Variants in PPP2R5C observed in about 807,000 individuals in gnomAD.
The protein encoded by PPP2R5C is protein phosphatase 2 regulatory subunit B'gamma, also known as serine/threonine-protein phosphatase 2A 56 kDa regulatory subunit gamma isoform.
In PPP2R5C, 7 loss-of-function variants were observed where a neutral mutation model predicts 68.9. That is an observed-to-expected ratio of 0.10 (90% CI 0.06 to 0.19). The LOEUF is 0.19. PPP2R5C is among the 10% of genes least tolerant of loss of function. PPP2R5C has a pLI of 1.00. For missense variants in PPP2R5C, 348 were observed against 641.3 expected, an observed-to-expected ratio of 0.54 and a Z score of 4.94; for synonymous variants, 210 against 222.2, an observed-to-expected ratio of 0.95 and a Z score of 0.49.
At position 101,826,969 on chromosome 14, in the gene PPP2R5C, CTT is replaced by C. The variant is rs1030539072; in HGVS notation, c.94+16956_94+16957del. ...TATACTTAAGTGTAAAAATGTTTAA[CTT>C]TTTTTTTTTTTTTTTTTTTTTTGAG... is the stretch of plus-strand genomic sequence containing the variant. On this transcript the variant is annotated intron_variant, in intron 1 of 13. Transcript: ENST00000334743. Among the ~76,000 whole-genome samples the C allele has an allele frequency of 4.0e-3, 380 of 95,812 alleles. 1 individual carries two copies. Among genetic ancestry groups the C allele is most frequent in the African/African-American group, 0.014 (327 of 23,508 alleles). The allele number at this position is 95,812 out of a possible 152,430, so 62.9% of individuals were successfully genotyped here. A position where few individuals can be genotyped will look rare whatever the true frequency, so the allele number is the denominator to read the frequency against.
intron 3 of PPP2R5C, among the ~76,000 whole-genome samples, chr14:101,795,958 G>C (rs188460949): frequency 1.3e-5 from 2 of 152,190 alleles, no homozygotes; most frequent in Admixed American, 1.3e-4. Flanking sequence ...AAGTAGCTGG[G>C]ACCACAGGTG....
rs1056724995 is a variant in PPP2R5C, at chr14:101,835,257, T to C, written c.95-21429T>C. Reference sequence around the variant, plus strand: ...CCTGTGGCTGGGGGAGCAGGATGAATTGGGATAAGGGAAGCCCAGGGCAGG... The same window carrying C: ...CCTGTGGCTGGGGGAGCAGGATGAACTGGGATAAGGGAAGCCCAGGGCAGG... On this transcript the variant is annotated intron_variant, in intron 1 of 13. Coordinates refer to ENST00000334743, the Ensembl canonical transcript of PPP2R5C. The surrounding 1 kb of genome is among the most constrained non-coding windows in gnomAD (Gnocchi z 5.0). Among the ~76,000 whole-genome samples the C allele has an allele frequency of 2.6e-5, 4 of 152,018 alleles. No homozygotes were observed. Among genetic ancestry groups the C allele is most frequent in the Non-Finnish European group, 4.4e-5 (3 of 67,994 alleles).
intron 9 of PPP2R5C, among the ~76,000 whole-genome samples, chr14:101,903,577 G>A (rs565024852): frequency 1.2e-4 from 19 of 152,242 alleles, no homozygotes; most frequent in African/African-American, 3.6e-4. Flanking sequence ...GCACGCTTGC[G>A]CCCATCTTGG....
At chr14:101,927,514 C>G (rs1387280663) in exon 14 of PPP2R5C, 1 of 152,576 alleles carries the variant, frequency 6.6e-6, no homozygotes, top group African/African-American at 2.4e-5. Flanking sequence ...GACTGTTTTT[C>G]TTCATAAAGT....
intron 1 of PPP2R5C, among the ~76,000 whole-genome samples, chr14:101,853,265 A>G (rs538056799): frequency 1.3e-5 from 2 of 152,198 alleles, no homozygotes; most frequent in Non-Finnish European, 2.9e-5. Flanking sequence ...TTCTTTTAAA[A>G]AAAAAATAGT....
intron 2 of PPP2R5C, among the ~76,000 whole-genome samples, chr14:101,771,385 G>C (rs747374646): frequency 6.6e-5 from 10 of 151,808 alleles, no homozygotes; most frequent in Non-Finnish European, 1.5e-4. Flanking sequence ...CTCCCAAGTA[G>C]CTGGGATTAC....
rs1263843500 is a variant in PPP2R5C, at chr14:101,916,607, G to A, written c.1327-1224G>A. On this transcript the variant is annotated intron_variant, in intron 12 of 13. Transcript: ENST00000334743. This position sits in a 1 kb window ranked among gnomAD's most constrained non-coding sequence, Gnocchi z 5.5. Reference sequence around the variant, plus strand: ...CTTAGCAGCCAGAGGGCACCCATAGGCCTCATGCCAGAGGTGGCTCCGTCA... The same window carrying A: ...CTTAGCAGCCAGAGGGCACCCATAGACCTCATGCCAGAGGTGGCTCCGTCA... Among the ~76,000 whole-genome samples, 1 of 151,656 alleles carries A rather than the reference G, an allele frequency of 6.6e-6. No individual in the cohort carries two copies. The highest frequency in any genetic ancestry group is 1.5e-5 in the Non-Finnish European group (1 of 67,946).
In PPP2R5C at chr14:101,787,629, T is replaced by C. The variant is rs1158081221; in HGVS notation, c.259+1446T>C. ...ATACAAAAACAAAATTAGCCAGGCGTGGTGGCGGGCGCCTGTAGTCCCAGC... is the reference window on the plus strand; with the variant it reads ...ATACAAAAACAAAATTAGCCAGGCGCGGTGGCGGGCGCCTGTAGTCCCAGC... On this transcript the variant is annotated intron_variant, in intron 3 of 14. Coordinates refer to the PPP2R5C transcript ENST00000328724. Among the ~76,000 whole-genome samples, 3 of 151,820 alleles carry C rather than the reference T, an allele frequency of 2.0e-5. No homozygotes were observed. The East Asian group carries it at 5.8e-4, about 29-fold the overall frequency.
intron 1 of PPP2R5C, chr14:101,819,010 C>T: frequency 1.3e-6 from 2 of 1,550,968 alleles, no homozygotes. Flanking sequence ...TCCTGAAGAA[C>T]CCTCAAGCCC....
upstream of PPP2R5C, chr14:101,761,707 C>G (rs1173069102): frequency 9.0e-6 from 5 of 556,256 alleles, no homozygotes; most frequent in Non-Finnish European, 1.1e-5. Flanking sequence ...GCCGCCGCCG[C>G]CGCCGCCGTG....
intron 8 of PPP2R5C, among the ~76,000 whole-genome samples, chr14:101,896,819 T>C (rs1215381358): frequency 1.3e-5 from 2 of 152,178 alleles, no homozygotes; most frequent in Non-Finnish European, 1.5e-5. Flanking sequence ...AAAGTAGATC[T>C]TGTCACTCCT....
chr14:101,771,057 CT>C (rs2037119447), intron 2 of PPP2R5C, among the ~76,000 whole-genome samples: 1 of 152,226 alleles, frequency 6.6e-6, no homozygotes. Context: ...TAAGCAGAGA[CT>C]CTCCAGTGCT....
chr14:101,848,633 G>A (rs1253064806), intron 1 of PPP2R5C, among the ~76,000 whole-genome samples: 2 of 152,144 alleles, frequency 1.3e-5, no homozygotes, highest in African/African-American at 2.4e-5. Flanking sequence ...TTTAGAGGTC[G>A]TCGGTGTTGA....
chr14:101,831,810 C>A (rs1183469994), intron 1 of PPP2R5C: 1 of 700,084 alleles, frequency 1.4e-6, no homozygotes, highest in East Asian at 2.7e-5. Flanking sequence ...TTTGGGTAAG[C>A]GTGGTGGTCC....
At chr14:101,889,682 G>A (rs1471983824) in intron 5 of PPP2R5C, 2 of 257,780 alleles carry the variant, frequency 7.8e-6, no homozygotes, top group Non-Finnish European at 1.5e-5. Flanking sequence ...CAGAAAGATC[G>A]CACCTGAGAC....
rs182445737 is a variant in PPP2R5C, at chr14:101,920,646, T to C, written c.1443+2699T>C. On this transcript the variant is annotated intron_variant, in intron 13 of 13. Transcript: ENST00000334743. ...CAGCAGGCTTTTTATCCTCAAGAAG[T>C]TGAGAAAGCTAATTCTAAAATTCAC... Among the ~76,000 whole-genome samples, 367 of 152,292 alleles carry C rather than the reference T, an allele frequency of 2.4e-3. 2 individuals carry two copies. Among genetic ancestry groups the C allele is most frequent in the African/African-American group, 8.5e-3 (355 of 41,564 alleles).
Position 101,810,076 on chromosome 14 carries a change from G to A in PPP2R5C, c.94+40G>A, listed in dbSNP as rs757990888. 5 of 1,567,508 alleles carry A rather than the reference G, an allele frequency of 3.2e-6. No individual in the cohort carries two copies. The Admixed American group carries it at 8.5e-5, about 27-fold the overall frequency. ...GTTTCACTGAATCGGAACCTTCCGTGGGTAGTTAATAAATGGCTATTGTGC... is the reference window on the plus strand; with the variant it reads ...GTTTCACTGAATCGGAACCTTCCGTAGGTAGTTAATAAATGGCTATTGTGC... On this transcript the variant is annotated intron_variant, in intron 1 of 13. Coordinates refer to ENST00000334743, the Ensembl canonical transcript of PPP2R5C.
intron 1 of PPP2R5C, among the ~76,000 whole-genome samples, chr14:101,838,781 T>C (rs1382173508): frequency 6.6e-6 from 1 of 152,236 alleles, no homozygotes; most frequent in Non-Finnish European, 1.5e-5. Context: ...TGGTGGCTCA[T>C]GCCTGTAATC....
chr14:101,903,361 G>A (rs1464836759), intron 9 of PPP2R5C, among the ~76,000 whole-genome samples: 1 of 152,266 alleles, frequency 6.6e-6, no homozygotes, highest in African/African-American at 2.4e-5. Context: ...GGTGGGGAAA[G>A]CAGAGCCAAG....
Sources: gnomAD v4.1 joint callset for allele counts (sites outside exome capture counted in the v4.1 genomes callset) on GRCh38, gnomAD v4.1.1 for gene constraint, Gnocchi (gnomAD v3.1) non-coding constraint, MANE v1.5 for transcripts, NCBI Gene and HGNC (gene_info 2026-07-23, HGNC 2026-07-21) for gene names.